Variants in SYTL2 observed in about 807,000 individuals in gnomAD.
SYTL2 encodes synaptotagmin like 2, also known as synaptotagmin-like protein 2.
In SYTL2, 165 loss-of-function variants were observed where a neutral mutation model predicts 198.7. The observed-to-expected ratio is 0.83, with a 90% CI of 0.73 to 0.94. SYTL2 has a LOEUF of 0.94. Among genes scored for constraint, SYTL2 ranks in the 40% least tolerant of loss-of-function variants. The probability of loss-of-function intolerance (pLI) is 0.00; values close to 1 mark genes in which losing one functional copy is unlikely to be tolerated. For synonymous variants in SYTL2, 966 were observed against 917.7 expected, an observed-to-expected ratio of 1.05 and a Z score of -0.95; for missense variants, 2,835 against 2,582.8, an observed-to-expected ratio of 1.10 and a Z score of -2.12.
At chr11:85,807,655 T>C (rs148126670) in intron 1 of SYTL2, among the ~76,000 whole-genome samples, 17 of 152,342 alleles carry the variant, frequency 1.1e-4, no homozygotes, top group African/African-American at 3.8e-4. Flanking sequence ...AATTAGTTTT[T>C]TAATTTTCTG....
chr11:85,780,411 G>T (rs1194917211), intron 1 of SYTL2, among the ~76,000 whole-genome samples: 3 of 152,158 alleles, frequency 2.0e-5, no homozygotes, highest in South Asian at 2.1e-4. Flanking sequence ...ATGGGGGCTG[G>T]TCACAATAAA....
At chr11:85,802,998 A>G (rs1044084668) in intron 1 of SYTL2, among the ~76,000 whole-genome samples, 1 of 152,196 alleles carries the variant, frequency 6.6e-6, no homozygotes, top group Non-Finnish European at 1.5e-5. Context: ...CTTCTTAACC[A>G]TGACCCCTCT....
At position 85,808,276 on chromosome 11, in the gene SYTL2, A is replaced by T. The variant is rs553243279; in HGVS notation, c.-390+2678T>A. Among the ~76,000 whole-genome samples the T allele has an allele frequency of 1.2e-4, 19 of 152,228 alleles. No individual in the cohort carries two copies. The South Asian group carries it at 2.3e-3, about 18-fold the overall frequency. ...GAGATGGGGTTTCACTATATTGGCC[A>T]GGCTGGTCTCGAACTCCTGACCTTG... On this transcript the variant is annotated intron_variant, in intron 1 of 19. Transcript: ENST00000359152.
chr11:85,711,711 T>C (rs1483880252), intron 12 of SYTL2, among the ~76,000 whole-genome samples: 4 of 152,028 alleles, frequency 2.6e-5, no homozygotes, highest in African/African-American at 9.7e-5. Flanking sequence ...ACTATTAAAC[T>C]AGGAAAAAAG....
At chr11:85,776,246 C>A (rs115241928) in intron 1 of SYTL2, among the ~76,000 whole-genome samples, 2,230 of 152,264 alleles carry the variant, frequency 0.015, 47 homozygotes, top group African/African-American at 0.051. Flanking sequence ...CCATCAGAAT[C>A]ATGAGCCAAA....
At chr11:85,834,446 A>G in the SYTL2 span, among the ~76,000 whole-genome samples, 1 of 151,968 alleles carries the variant, frequency 6.6e-6, no homozygotes, top group South Asian at 2.1e-4. Context: ...TTCTATTCCA[A>G]GGTTATTTTT....
intron 2 of SYTL2, among the ~76,000 whole-genome samples, chr11:85,753,764 TTTA>T (rs1248105650): frequency 2.6e-5 from 2 of 77,936 alleles, no homozygotes; most frequent in Non-Finnish European, 5.8e-5. Context: ...AACTCTCTTT[TTTA>T]AAAAAAAAAA....
intron 1 of SYTL2, among the ~76,000 whole-genome samples, chr11:85,808,227 C>T (rs2092985945): frequency 6.6e-6 from 1 of 151,990 alleles, no homozygotes; most frequent in Non-Finnish European, 1.5e-5. Context: ...CCACCACGCG[C>T]AGCTAAGTTT....
At chr11:85,848,496 AT>A in the SYTL2 span, among the ~76,000 whole-genome samples, 4 of 148,376 alleles carry the variant, frequency 2.7e-5, no homozygotes, top group East Asian at 2.0e-4. Flanking sequence ...GTGAAGCTTC[AT>A]TTTTTTTTTC....
At chr11:85,810,253 A>G (rs2093013863) in intron 1 of SYTL2, among the ~76,000 whole-genome samples, 1 of 152,172 alleles carries the variant, frequency 6.6e-6, no homozygotes, top group Non-Finnish European at 1.5e-5. Context: ...ACTTTTCATT[A>G]AGGCAGGAAG....
chr11:85,810,218 A>T (rs1443391545), intron 1 of SYTL2, among the ~76,000 whole-genome samples: 1 of 152,162 alleles, frequency 6.6e-6, no homozygotes, highest in Non-Finnish European at 1.5e-5. Flanking sequence ...TGCTGGTCAC[A>T]AACCAGCACT....
chr11:85,797,654 A>C (rs556366526), intron 1 of SYTL2, among the ~76,000 whole-genome samples: 7 of 151,960 alleles, frequency 4.6e-5, no homozygotes, highest in Non-Finnish European at 8.8e-5. Context: ...AAGAAAAAGA[A>C]AAAGAAAACA....
At chr11:85,745,054 C>A (rs542986133) in intron 4 of SYTL2, among the ~76,000 whole-genome samples, 16 of 152,290 alleles carry the variant, frequency 1.1e-4, no homozygotes, top group African/African-American at 3.9e-4. Flanking sequence ...GAGTATCTAT[C>A]ATGCCAGGTA....
At position 85,726,596 on chromosome 11, in the gene SYTL2, G is replaced by A. The variant is rs557422658; in HGVS notation, c.2762C>T (p.Pro921Leu). Reference protein sequence around the residue: ...IKRSQVADSLPSRRNITLPAL... With the variant: ...IKRSQVADSLLSRRNITLPAL... ...TGGTAAAGTAATGTTTCTTCTAGAA[G>A]GCAAACTGTCTGCCACTTGTGATCT... is the stretch of plus-strand genomic sequence containing the variant. The change falls in exon 8 of 20, where the codon CCT (proline) becomes CTT (leucine). Residue 921 changes from proline to leucine, a missense_variant. Physicochemically the swap from Pro to Leu is moderately conservative, Grantham distance 98 (BLOSUM62 -3). Coordinates refer to ENST00000359152, the MANE Select transcript of SYTL2 (RefSeq NM_206927.4). 1.3e-6 allele frequency: 2 copies of A among 1,561,352 alleles called. No homozygotes were observed. The highest frequency in any genetic ancestry group is 2.7e-5 in the African/African-American group (2 of 73,980).
chr11:85,720,465 G>C (rs1299480949), intron 9 of SYTL2, among the ~76,000 whole-genome samples: 2 of 152,176 alleles, frequency 1.3e-5, no homozygotes, highest in African/African-American at 4.8e-5. Context: ...AGGGTTGCTT[G>C]TGCTGGTTAA....
chr11:85,811,471 G>C (rs1320842190), upstream of SYTL2, among the ~76,000 whole-genome samples: 1 of 152,166 alleles, frequency 6.6e-6, no homozygotes, highest in East Asian at 1.9e-4. Context: ...GCGTTAGGGG[G>C]CCTTGGAGCC....
Position 85,734,527 on chromosome 11 carries a change from C to G in SYTL2, c.802G>C (p.Gly268Arg), listed in dbSNP as rs763113303. The stretch of plus-strand genomic sequence containing the variant: ...CGCTTGAGGATCCCTCTCGGAGCCC[C>G]TCTCGCTTTCAGGGAGTCTGTCCTT... ...RQRTDSLKAR[G>R]APRGILKRNS... Residue 268 changes from glycine (G) to arginine (R), a missense_variant, in exon 7 of 20, where the codon GGG becomes CGG. Gly to Arg is a moderately radical substitution (Grantham distance 125). Coordinates refer to ENST00000359152, the MANE Select transcript of SYTL2 (RefSeq NM_206927.4). The G allele has an allele frequency of 7.4e-6, 12 of 1,614,218 alleles. No homozygotes were observed. Among genetic ancestry groups the G allele is most frequent in the Non-Finnish European group, 1.0e-5 (12 of 1,180,030 alleles).
chr11:85,784,083 C>T (rs2092602051), intron 1 of SYTL2, among the ~76,000 whole-genome samples: 1 of 152,106 alleles, frequency 6.6e-6, no homozygotes, highest in Admixed American at 6.5e-5. Context: ...CTAGTATGAC[C>T]CAGAACAGAG....
At chr11:85,748,233 C>T (rs755805452) in intron 3 of SYTL2, 39 bp downstream of exon 3, 10 of 1,593,946 alleles carry the variant, frequency 6.3e-6, no homozygotes, top group African/African-American at 5.4e-5. Flanking sequence ...CCTTCCCAAA[C>T]GAATGCTTGT....
Sources: allele counts gnomAD v4.1 joint callset (sites outside exome capture counted in the v4.1 genomes callset), GRCh38; gene constraint gnomAD v4.1.1; transcripts MANE v1.5; gene names NCBI Gene and HGNC (gene_info 2026-07-23, HGNC 2026-07-21).